The following ARID1B variants were observed in gnomAD, a reference collection of about 807,000 sequenced individuals.
ARID1B encodes AT-rich interaction domain 1B, also known as AT-rich interactive domain-containing protein 1B.
A neutral mutation model predicts 212.3 loss-of-function variants in ARID1B; 30 were observed. That is an observed-to-expected ratio of 0.14 (90% CI 0.11 to 0.19). ARID1B has a LOEUF of 0.19. Ranked by LOEUF, ARID1B falls within the 10% of genes least tolerant of loss-of-function variation. The pLI, the probability that ARID1B is intolerant of heterozygous loss-of-function variation, is 1.00. For missense variants in ARID1B, 2,891 were observed against 3,204.0 expected (o/e 0.90, Z 2.36); for synonymous variants, 1,402 against 1,301.7 (o/e 1.08, Z -1.66).
At chr6:156,922,615 G>A (rs1364152273) in intron 3 of ARID1B, among the ~76,000 whole-genome samples, 1 of 152,206 alleles carries the variant, frequency 6.6e-6, no homozygotes, top group Non-Finnish European at 1.5e-5. Flanking sequence ...AATGTTGAAT[G>A]TGGTTATTTG....
chr6:157,120,262 G>A (rs187714530), intron 6 of ARID1B, among the ~76,000 whole-genome samples: 1 of 152,208 alleles, frequency 6.6e-6, no homozygotes, highest in African/African-American at 2.4e-5. Flanking sequence ...ACCCCTCCCC[G>A]GACTCTCATT....
rs150730878 is a variant in ARID1B, at chr6:157,178,635, G to T, written c.3505-2334G>T. 6.6e-5 allele frequency among the ~76,000 whole-genome samples: 10 copies of T among 152,262 alleles called. No individual in the cohort carries two copies. In the East Asian group the frequency reaches 1.9e-3, roughly 29 times the overall value. On this transcript the variant is annotated intron_variant, in intron 11 of 19. Transcript: ENST00000636930. Reference sequence around the variant, plus strand: ...GCCTCTTAGAAGATCTAAAAATTATGAAAAAGAACTATTCTCTTAGAAAGT... The same window carrying T: ...GCCTCTTAGAAGATCTAAAAATTATTAAAAAGAACTATTCTCTTAGAAAGT...
At chr6:157,040,701 A>G (rs1008605848) in intron 4 of ARID1B, among the ~76,000 whole-genome samples, 3 of 152,230 alleles carry the variant, frequency 2.0e-5, no homozygotes, top group African/African-American at 7.2e-5. Context: ...CAAAACTATC[A>G]TGACTAGCAA....
At chr6:156,785,733 T>C (rs1237399966) in intron 1 of ARID1B, among the ~76,000 whole-genome samples, 1 of 152,252 alleles carries the variant, frequency 6.6e-6, no homozygotes, top group Non-Finnish European at 1.5e-5. Flanking sequence ...CTAATGTGTA[T>C]TGTAAGTAAA....
At chr6:157,013,591 G>C (rs1362615175) in intron 4 of ARID1B, among the ~76,000 whole-genome samples, 1 of 152,258 alleles carries the variant, frequency 6.6e-6, no homozygotes, top group Admixed American at 6.5e-5. Context: ...GTATTTCAGT[G>C]TGTGTTTTGT....
chr6:156,996,721 T>C (rs1778612151), intron 4 of ARID1B, among the ~76,000 whole-genome samples: 1 of 152,234 alleles, frequency 6.6e-6, no homozygotes, highest in Non-Finnish European at 1.5e-5. Context: ...TTTTAACCCA[T>C]ATTAATACCT....
intron 4 of ARID1B, chr6:156,937,523 T>TATA (rs1360288126): frequency 2.0e-5 from 3 of 152,236 alleles, no homozygotes; most frequent in African/African-American, 7.2e-5. Flanking sequence ...ACTCAGAAAC[T>TATA]TCAGCATCAC....
At chr6:156,783,663 TG>T (rs1452502143) in intron 1 of ARID1B, among the ~76,000 whole-genome samples, 1 of 152,214 alleles carries the variant, frequency 6.6e-6, no homozygotes, top group African/African-American at 2.4e-5. Flanking sequence ...TCCTAGGAGA[TG>T]AGTGATTTGA....
chr6:157,138,584 C>T (rs952257530), intron 7 of ARID1B, among the ~76,000 whole-genome samples: 4 of 152,152 alleles, frequency 2.6e-5, no homozygotes, highest in African/African-American at 7.2e-5. Flanking sequence ...GATGTGGGGT[C>T]TGTCTGCCAC....
chr6:156,933,843 G>A (rs141236771), intron 3 of ARID1B, among the ~76,000 whole-genome samples: 2 of 152,224 alleles, frequency 1.3e-5, no homozygotes, highest in Admixed American at 6.5e-5. Flanking sequence ...TTATTGGCAC[G>A]CTCCTGTATT....
At chr6:157,020,429 T>A (rs1780154639) in intron 4 of ARID1B, among the ~76,000 whole-genome samples, 1 of 152,182 alleles carries the variant, frequency 6.6e-6, no homozygotes, top group Non-Finnish European at 1.5e-5. Context: ...TAACTGTAAA[T>A]TGGAACCTAA....
At chr6:157,105,437 A>G (rs968590792) in intron 5 of ARID1B, among the ~76,000 whole-genome samples, 1 of 152,220 alleles carries the variant, frequency 6.6e-6, no homozygotes, top group East Asian at 1.9e-4. Context: ...TAATATCTCT[A>G]ATATATGAAG....
rs562883305 is a variant in ARID1B at position 156,813,082 on chromosome 6, G to A, written c.1792-16145G>A. 6.9e-5 allele frequency among the ~76,000 whole-genome samples: 9 copies of A among 129,832 alleles called. No homozygotes were observed. In the South Asian group the frequency reaches 1.7e-3, roughly 24 times the overall value. 85.2% of individuals were successfully genotyped at this position (129,832 alleles called of 152,430 possible). A position where few individuals can be genotyped will look rare whatever the true frequency, so the allele number is the denominator to read the frequency against. ...TATACATATATATATACACACATAC[G>A]TATGTATATACATACATATATATAT... is the stretch of plus-strand genomic sequence containing the variant. On this transcript the variant is annotated intron_variant, in intron 1 of 19. Transcript: ENST00000636930.
intron 10 of ARID1B, 157 bp downstream of exon 10, chr6:157,174,274 C>G: frequency 3.2e-6 from 2 of 619,888 alleles, no homozygotes; most frequent in Non-Finnish European, 5.7e-6. Flanking sequence ...CTTTTCTTTC[C>G]CCAGCCCCTT....
intron 4 of ARID1B, among the ~76,000 whole-genome samples, chr6:157,031,801 TTTTTTTTTGAGATGGTGCC>T (rs1320137354): frequency 6.6e-6 from 1 of 152,174 alleles, no homozygotes; most frequent in Non-Finnish European, 1.5e-5. Flanking sequence ...TGAAATTTTT[TTTTTTTTTGAGATGGTGCC>T]TCACTCTGTT....
chr6:157,206,920 G>A lies in ARID1B; in HGVS notation c.6148G>A (p.Asp2050Asn). 6.2e-7 allele frequency: 1 copy of A among 1,614,232 alleles called. No homozygotes were observed. Among genetic ancestry groups the A allele is most frequent in the Non-Finnish European group, 8.5e-7 (1 of 1,180,032 alleles). ...KLLEDEPRSRDETPLCTIAHW... is the reference protein window; with the variant it reads ...KLLEDEPRSRNETPLCTIAHW... Reference sequence around the variant, plus strand: ...GCTGGAGGACGAGCCCAGGAGCCGAGACGAGACTCCTCTGTGTACCATCGC... The same window carrying A: ...GCTGGAGGACGAGCCCAGGAGCCGAAACGAGACTCCTCTGTGTACCATCGC... Residue 2050 changes from aspartate (D) to asparagine (N), a missense_variant, in exon 20 of 20, where the codon GAC becomes AAC. Asp to Asn is a conservative substitution (Grantham distance 23). Around this residue, in one of 7 missense-constraint regions of ARID1B, gnomAD observed 332 missense variants for 369.2 expected, o/e 0.90. Coordinates refer to ENST00000636930, the MANE Select transcript of ARID1B (RefSeq NM_001374828.1). This position sits in a 1 kb window ranked among gnomAD's most constrained non-coding sequence, Gnocchi z 6.8.
chr6:157,080,070 A>G (rs1784547678), intron 4 of ARID1B, among the ~76,000 whole-genome samples: 1 of 152,194 alleles, frequency 6.6e-6, no homozygotes, highest in South Asian at 2.1e-4. Context: ...AACTGGTCTC[A>G]TTGATTGAAA....
At chr6:156,969,288 C>A (rs1014050258) in intron 4 of ARID1B, among the ~76,000 whole-genome samples, 1 of 152,156 alleles carries the variant, frequency 6.6e-6, no homozygotes, top group African/African-American at 2.4e-5. Context: ...CATATGAATG[C>A]AAATCGCAGT....
rs1275218412 is a variant in ARID1B, at chr6:156,945,097, G to GTTT, written c.2247+9522_2247+9523insTTT. On this transcript the variant is annotated intron_variant, in intron 4 of 19. Coordinates refer to ENST00000636930, the MANE Select transcript of ARID1B (RefSeq NM_001374828.1). ...GCCACCAAGTCGGGCTAATTTTTTT[G>GTTT]TATATTTTTTTTTTTTTTTAGTAGA... is the stretch of plus-strand genomic sequence containing the variant. Among the ~76,000 whole-genome samples, 467 of 100,154 alleles carry GTTT rather than the reference G, an allele frequency of 4.7e-3. 1 individual carries two copies. Among genetic ancestry groups the GTTT allele is most frequent in the African/African-American group, 0.016 (443 of 27,452 alleles). 65.7% of individuals were successfully genotyped at this position (100,154 alleles called of 152,430 possible). A position where few individuals can be genotyped will look rare whatever the true frequency, so the allele number is the denominator to read the frequency against.
Sources: allele counts gnomAD v4.1 joint callset (sites outside exome capture counted in the v4.1 genomes callset), GRCh38; gene constraint gnomAD v4.1.1; regional missense constraint gnomAD v4.1.1; non-coding constraint Gnocchi (gnomAD v3.1); transcripts MANE v1.5; gene names NCBI Gene and HGNC (gene_info 2026-07-23, HGNC 2026-07-21).